Variants in HACD3 observed in about 807,000 individuals in gnomAD.
The protein encoded by HACD3 is very-long-chain (3R)-3-hydroxyacyl-CoA dehydratase 3.
HACD3 carries 30 observed loss-of-function variants against 55.2 expected under a neutral mutation model. The ratio of observed to expected loss-of-function variants is 0.54; its 90% confidence interval spans 0.41 to 0.74. The LOEUF (loss-of-function observed/expected upper bound fraction) is 0.74. Among genes scored for constraint, HACD3 ranks in the 30% least tolerant of loss-of-function variants. The pLI is 0.00. For synonymous variants in HACD3, 141 were observed against 151.7 expected (o/e 0.93, Z 0.52); for missense variants, 363 against 440.1 (o/e 0.82, Z 1.57).
At chr15:65,570,330 T>C (rs2141225166) in intron 8 of HACD3, 127 bp downstream of exon 8, 2 of 683,532 alleles carry the variant, frequency 2.9e-6, no homozygotes, top group Non-Finnish European at 4.8e-6. Context: ...ATGTGGAGAA[T>C]TCTGGTTGCA....
chr15:65,541,345 A>G (rs1415668713), intron 1 of HACD3, among the ~76,000 whole-genome samples: 1 of 152,122 alleles, frequency 6.6e-6, no homozygotes, highest in Non-Finnish European at 1.5e-5. Flanking sequence ...TTTTTAATTT[A>G]TTGAAAGAGC....
intron 5 of HACD3, 116 bp downstream of exon 5, chr15:65,558,847 G>T: frequency 7.7e-7 from 1 of 1,303,194 alleles, no homozygotes; most frequent in South Asian, 1.3e-5. Context: ...CTGTGTGGGT[G>T]AGTTTATGAA....
At chr15:65,538,372 G>T (rs1159096867) in intron 1 of HACD3, among the ~76,000 whole-genome samples, 1 of 152,176 alleles carries the variant, frequency 6.6e-6, no homozygotes, top group African/African-American at 2.4e-5. Context: ...GATTTTGAGG[G>T]GTTCAAGACT....
chr15:65,549,006 T>C (rs1330722122), intron 1 of HACD3, among the ~76,000 whole-genome samples: 1 of 152,190 alleles, frequency 6.6e-6, no homozygotes, highest in Non-Finnish European at 1.5e-5. Flanking sequence ...GGACTATAGG[T>C]GCATGGCACC....
intron 7 of HACD3, among the ~76,000 whole-genome samples, chr15:65,569,000 C>A (rs1272307248): frequency 6.6e-6 from 1 of 152,150 alleles, no homozygotes; most frequent in South Asian, 2.1e-4. Context: ...GTAATCCCAG[C>A]ACTTTGGGAG....
At position 65,556,730 on chromosome 15, in the gene HACD3, C is replaced by G. The variant is rs774439898; in HGVS notation, c.205-9C>G. 1.3e-6 allele frequency: 2 copies of G among 1,584,894 alleles called. No homozygotes were observed. Among genetic ancestry groups the G allele is most frequent in the South Asian group, 2.3e-5 (2 of 88,128 alleles). ...GAGGGCATTCTCACATTTTCACTTT[C>G]TCTCCTAGCCTGTTTACAAACTGAC... On this transcript the variant is annotated splice_polypyrimidine_tract_variant and intron_variant, in intron 3 of 10. Coordinates refer to ENST00000261875, the MANE Select transcript of HACD3 (RefSeq NM_016395.4).
At position 65,572,284 on chromosome 15, in the gene HACD3, C is replaced by G; in HGVS notation, c.930C>G (p.Phe310Leu). 6.2e-7 allele frequency: 1 copy of G among 1,613,474 alleles called. No homozygotes were observed. Among genetic ancestry groups the G allele is most frequent in the Non-Finnish European group, 8.5e-7 (1 of 1,179,810 alleles). ...SIPIFNETGR[F>L]SFTLPYPVKI... ...CAATATTCAATGAGACCGGACGATT[C>G]AGTTTCACATTGCCATATCCAGTGA... The change falls in exon 10 of 11, where the codon TTC becomes TTG. Residue 310 changes from phenylalanine to leucine, a missense_variant. Transcript: ENST00000261875.
At chr15:65,557,194 G>A (rs918837238) in intron 4 of HACD3, among the ~76,000 whole-genome samples, 5 of 152,124 alleles carry the variant, frequency 3.3e-5, no homozygotes, top group East Asian at 1.9e-4. Flanking sequence ...GAGTACATAC[G>A]GCCGGGCACG....
At chr15:65,559,516 A>G (rs2072225232) in intron 5 of HACD3, among the ~76,000 whole-genome samples, 1 of 150,340 alleles carries the variant, frequency 6.7e-6, no homozygotes, top group Non-Finnish European at 1.5e-5. Context: ...AAGGGAGGGG[A>G]AAGTTTTGGA....
Position 65,572,364 on chromosome 15 carries a change from T to A in HACD3, c.1010T>A (p.Leu337Ter). 6.3e-7 allele frequency: 1 copy of A among 1,596,214 alleles called. No individual in the cohort carries two copies. The highest frequency in any genetic ancestry group is 8.5e-7 in the Non-Finnish European group (1 of 1,169,596). Residue 337 changes from leucine to a stop codon, truncating the protein, a stop_gained and splice_region_variant, in exon 10 of 11, where the codon TTA becomes TAA. Coordinates refer to ENST00000261875, the MANE Select transcript of HACD3 (RefSeq NM_016395.4). LOFTEE classifies it high-confidence loss of function. The part of the protein sequence containing the change: ...FLQIYLIMIF[L>*]GLYINFRHLY... ...CAGATTTATCTTATAATGATATTTTTAGGTAAGTATTGATTCTTTAATACA... is the reference window on the plus strand; with the variant it reads ...CAGATTTATCTTATAATGATATTTTAAGGTAAGTATTGATTCTTTAATACA...
At chr15:65,545,418 A>C (rs957747639) in intron 1 of HACD3, among the ~76,000 whole-genome samples, 7 of 152,182 alleles carry the variant, frequency 4.6e-5, no homozygotes, top group Non-Finnish European at 7.3e-5. Context: ...TAGGCATGGC[A>C]ATCAAGAGGA....
chr15:65,552,475 A>G lies in HACD3; in HGVS notation c.130+757A>G, dbSNP rs1029937195. Among the ~76,000 whole-genome samples the G allele has an allele frequency of 7.2e-5, 11 of 152,148 alleles. No homozygotes were observed. The South Asian group carries it at 8.3e-4, about 11-fold the overall frequency. ...CTCAGTCTCCCGAGTAGCTGGGATT[A>G]CAGGCATCCGCCACCACGTCCAGCT... On this transcript the variant is annotated intron_variant, in intron 2 of 10. Coordinates refer to ENST00000261875, the MANE Select transcript of HACD3 (RefSeq NM_016395.4).
chr15:65,562,323 C>T (rs976404247), intron 5 of HACD3, among the ~76,000 whole-genome samples: 15 of 152,126 alleles, frequency 9.9e-5, no homozygotes, highest in African/African-American at 3.4e-4. Flanking sequence ...GTGCCTTGGG[C>T]AGCTGAAAGG....
At chr15:65,539,357 A>G (rs898090650) in intron 1 of HACD3, among the ~76,000 whole-genome samples, 1 of 151,482 alleles carries the variant, frequency 6.6e-6, no homozygotes, top group Non-Finnish European at 1.5e-5. Flanking sequence ...AGTAGCTGGG[A>G]CTACGGGCGC....
chr15:65,570,183 GAGTGC>G lies in HACD3; in HGVS notation c.755_759del (p.Ser252AsnfsTer2), dbSNP rs752694536. 6.2e-7 allele frequency: 1 copy of G among 1,610,302 alleles called. No individual in the cohort carries two copies. Among genetic ancestry groups the G allele is most frequent in the African/African-American group, 1.3e-5 (1 of 74,814 alleles). ...TGGTTTTCTTTGTGTTTTATTTGTG[GAGTGC>G]AATTGAAATTTTCAGGTGGGTAGAA... On this transcript the variant is annotated frameshift_variant, in exon 8 of 11. Coordinates refer to ENST00000261875, the MANE Select transcript of HACD3 (RefSeq NM_016395.4). LOFTEE classifies it high-confidence loss of function.
At chr15:65,542,012 C>G (rs1204808902) in intron 1 of HACD3, among the ~76,000 whole-genome samples, 1 of 151,890 alleles carries the variant, frequency 6.6e-6, no homozygotes, top group African/African-American at 2.4e-5. Flanking sequence ...GGGCAGACCA[C>G]GAGGTCAATA....
chr15:65,544,173 T>C (rs2072050016), intron 1 of HACD3, among the ~76,000 whole-genome samples: 1 of 151,514 alleles, frequency 6.6e-6, no homozygotes, highest in African/African-American at 2.4e-5. Context: ...CGGGACTCCA[T>C]CTCAAAAAAA....
chr15:65,563,425 G>C (rs1416063597), intron 6 of HACD3, among the ~76,000 whole-genome samples: 1 of 152,160 alleles, frequency 6.6e-6, no homozygotes, highest in African/African-American at 2.4e-5. Context: ...TTGATCTAAA[G>C]TATTCTGAAA....
chr15:65,570,133 A>T lies in HACD3; in HGVS notation c.703A>T (p.Met235Leu). The change falls in exon 8 of 11, where the codon ATG (methionine) becomes TTG (leucine). Residue 235 changes from methionine (M) to leucine (L), a missense_variant. Transcript: ENST00000261875. ...NFILFIIFGT[M>L]EEMQNKAVVF... ...TATTTTGTTTATCATCTTTGGCACC[A>T]TGGAAGAAATGCAGAACAAAGCTGT... The T allele has an allele frequency of 6.2e-7, 1 of 1,613,102 alleles. No homozygotes were observed. Among genetic ancestry groups the T allele is most frequent in the African/African-American group, 1.3e-5 (1 of 75,026 alleles).
Sources: gnomAD v4.1 joint callset for allele counts (sites outside exome capture counted in the v4.1 genomes callset) on GRCh38, gnomAD v4.1.1 for gene constraint, MANE v1.5 for transcripts, NCBI Gene and HGNC (gene_info 2026-07-23, HGNC 2026-07-21) for gene names.